Variants in DNAH17 observed in about 807,000 individuals in gnomAD.
DNAH17 encodes axonemal beta dynein heavy chain 17.
Under a neutral mutation model 485.6 loss-of-function variants are expected in DNAH17, and 376 were observed. That is an observed-to-expected ratio of 0.77 (90% CI 0.71 to 0.84). The LOEUF (loss-of-function observed/expected upper bound fraction) is 0.84, where lower values mean the gene tolerates loss of function less well. Among genes scored for constraint, DNAH17 ranks in the 40% least tolerant of loss-of-function variants. The probability of loss-of-function intolerance (pLI) is 0.00; values close to 1 mark genes in which losing one functional copy is unlikely to be tolerated. For missense variants in DNAH17, 6,370 were observed against 5,839.3 expected (o/e 1.09, Z -2.96); for synonymous variants, 3,031 against 2,405.9 (o/e 1.26, Z -7.60).
intron 58 of DNAH17, among the ~76,000 whole-genome samples, chr17:78,460,710 G>A (rs1196951168): frequency 2.0e-5 from 3 of 152,132 alleles, no homozygotes; most frequent in East Asian, 3.8e-4. Context: ...TCCTTCTATC[G>A]GCTTGAGCTT....
chr17:78,503,169 CTTTTTTTTTTT>C (rs397856727), intron 31 of DNAH17, 158 bp from the exon 32 acceptor site: 121 of 127,608 alleles, frequency 9.5e-4, no homozygotes, highest in South Asian at 2.6e-3. Flanking sequence ...AGTGACACAC[CTTTTTTTTTTT>C]TTTTTTTTTT....
chr17:78,465,708 G>T (rs1404532194), intron 56 of DNAH17, among the ~76,000 whole-genome samples: 1 of 149,636 alleles, frequency 6.7e-6, no homozygotes, highest in East Asian at 2.0e-4. Context: ...CGCCCCGTCT[G>T]AGAAGTGAGG....
In DNAH17 at chr17:78,444,574, G is replaced by T. The variant is rs1568059282; in HGVS notation, c.11528+30C>A. ...CTTCCATCAGGCCTGGGCCTCGGGG[G>T]CGGGGCCCCCGGCGCGGCGGGACAC... On this transcript the variant is annotated intron_variant, in intron 71 of 80. Coordinates refer to ENST00000389840, the MANE Select transcript of DNAH17 (RefSeq NM_173628.4). 3 of 1,527,406 alleles carry T rather than the reference G, an allele frequency of 2.0e-6. No homozygotes were observed. In the East Asian group the frequency reaches 7.4e-5, roughly 38 times the overall value. The allele number at this position is 1,527,406 out of a possible 1,614,324, so 94.6% of individuals were successfully genotyped here. A position where few individuals can be genotyped will look rare whatever the true frequency, so the allele number is the denominator to read the frequency against.
chr17:78,547,106 G>T (rs1386313238), intron 16 of DNAH17, among the ~76,000 whole-genome samples: 1 of 152,034 alleles, frequency 6.6e-6, no homozygotes, highest in Non-Finnish European at 1.5e-5. Flanking sequence ...TTTTACAACC[G>T]TATTTATCTC....
chr17:78,482,865 C>T (rs571340528), intron 48 of DNAH17, among the ~76,000 whole-genome samples: 1 of 152,186 alleles, frequency 6.6e-6, no homozygotes, highest in South Asian at 2.1e-4. Context: ...AACTCCAGGG[C>T]AGATGTGGAC....
Position 78,525,145 on chromosome 17 carries a change from G to C in DNAH17, c.3728C>G (p.Ser1243Cys). ...CGCCTCCATGATGCCTTCCATGGCG[G>C]AGATGCTCTTTTGTTGCTAGGGGCG... ...KSLNKQQKSI[S>C]AMEGIMEALS... The change falls in exon 25 of 81, where the codon TCC becomes TGC. Residue 1243 changes from serine to cysteine, a missense_variant. By Grantham distance (112) the Ser-to-Cys change is moderately radical. Transcript: ENST00000389840. 1 of 1,613,348 alleles carries C rather than the reference G, an allele frequency of 6.2e-7. No individual in the cohort carries two copies. Among genetic ancestry groups the C allele is most frequent in the Non-Finnish European group, 8.5e-7 (1 of 1,179,708 alleles).
At chr17:78,448,794 G>A (rs150119559) in intron 69 of DNAH17, among the ~76,000 whole-genome samples, 96 of 152,224 alleles carry the variant, frequency 6.3e-4, no homozygotes, top group African/African-American at 2.3e-3. Flanking sequence ...GCTCTCTCTC[G>A]CCCTCTAGCC....
Position 78,539,769 on chromosome 17 carries a change from G to A in DNAH17, c.2644C>T (p.Leu882=), listed in dbSNP as rs2091471861. The change falls in exon 18 of 81, where the codon CTG becomes TTG. Residue 882 remains leucine (L), a synonymous_variant. Coordinates refer to ENST00000389840, the MANE Select transcript of DNAH17 (RefSeq NM_173628.4). ...ACCATGTTGTCCATTAGGAAACTCA[G>A]AGATTTGCGAATGAACTGGTCAAAT... ...DEFDQFIRKS[L]SFLMDNMVID... is the part of the protein sequence containing the mutation. The A allele has an allele frequency of 1.2e-6, 2 of 1,611,650 alleles. No individual in the cohort carries two copies. The highest frequency in any genetic ancestry group is 1.3e-5 in the African/African-American group (1 of 74,998).
chr17:78,555,080 A>G (rs2091990861), intron 14 of DNAH17, among the ~76,000 whole-genome samples: 1 of 152,186 alleles, frequency 6.6e-6, no homozygotes, highest in African/African-American at 2.4e-5. Flanking sequence ...ACTTCCACCC[A>G]TGCCTTCGAA....
At chr17:78,541,723 C>T (rs1026417456) in intron 17 of DNAH17, among the ~76,000 whole-genome samples, 9 of 152,102 alleles carry the variant, frequency 5.9e-5, no homozygotes, top group Non-Finnish European at 1.3e-4. Flanking sequence ...CCAGTCCTGC[C>T]TCCTCGCCTG....
At chr17:78,560,296 G>A (rs1488347637) in intron 13 of DNAH17, among the ~76,000 whole-genome samples, 1 of 152,166 alleles carries the variant, frequency 6.6e-6, no homozygotes, top group Non-Finnish European at 1.5e-5. Context: ...TCCCTGCCTT[G>A]CCACGTGCAG....
At chr17:78,483,849 C>T (rs1402576074) in intron 48 of DNAH17, among the ~76,000 whole-genome samples, 3 of 151,984 alleles carry the variant, frequency 2.0e-5, no homozygotes, top group Non-Finnish European at 2.9e-5. Context: ...CTAATCCCAG[C>T]ACTTTGTGAG....
At position 78,476,919 on chromosome 17, in the gene DNAH17, A is replaced by AGT. The variant is rs139164017; in HGVS notation, c.7993-188_7993-187dup. ...GGAGGTCCCAAAAATCCCGGATGCC[A>AGT]GTGTGTGTGTGTGTCCTGAGAGATG... On this transcript the variant is annotated intron_variant, in intron 51 of 80. Coordinates refer to ENST00000389840, the MANE Select transcript of DNAH17 (RefSeq NM_173628.4). Among the ~76,000 whole-genome samples, 261 of 151,968 alleles carry AGT rather than the reference A, an allele frequency of 1.7e-3. 2 individuals carry two copies. Among genetic ancestry groups the AGT allele is most frequent in the African/African-American group, 5.6e-3 (232 of 41,478 alleles).
intron 25 of DNAH17, among the ~76,000 whole-genome samples, chr17:78,519,229 C>G (rs2090873828): frequency 7.1e-6 from 1 of 141,624 alleles, no homozygotes; most frequent in Admixed American, 7.0e-5. Flanking sequence ...ATCCATGGGT[C>G]AAAGAGGAAG....
At chr17:78,436,781 G>A (rs1394652879) in intron 74 of DNAH17, among the ~76,000 whole-genome samples, 2 of 152,192 alleles carry the variant, frequency 1.3e-5, no homozygotes, top group East Asian at 1.9e-4. Flanking sequence ...GGAGGCAGAG[G>A]TTGCAGTGAG....
chr17:78,567,219 T>A, intron 9 of DNAH17, 53 bp from the exon 10 acceptor site: 1 of 1,547,618 alleles, frequency 6.5e-7, no homozygotes. Context: ...AACTCACGGG[T>A]CCAGTTACAA....
At chr17:78,529,420 G>A (rs1301299325) in intron 22 of DNAH17, 52 bp downstream of exon 22, 40 of 1,584,398 alleles carry the variant, frequency 2.5e-5, no homozygotes, top group African/African-American at 2.2e-4. Flanking sequence ...GGTCGCGGCC[G>A]GGATGGCTCT....
Position 78,458,606 on chromosome 17 carries a change from T to C in DNAH17, c.9936A>G (p.Gln3312=), listed in dbSNP as rs1245775534. 4 of 1,613,958 alleles carry C rather than the reference T, an allele frequency of 2.5e-6. No individual in the cohort carries two copies. The South Asian group carries it at 3.3e-5, about 13-fold the overall frequency. The part of the protein sequence containing the change: ...KATAEKIKCQ[Q]EADATNRVIL... ...TCACCCTGTTCGTGGCATCGGCCTC[T>C]TGCTGACACTTGATTTTCTCAGCTG... Residue 3312 remains glutamine, a synonymous_variant, in exon 62 of 81, where the codon CAA becomes CAG. Coordinates refer to ENST00000389840, the MANE Select transcript of DNAH17 (RefSeq NM_173628.4).
intron 54 of DNAH17, among the ~76,000 whole-genome samples, chr17:78,471,901 G>T (rs140791490): frequency 2.0e-5 from 3 of 152,146 alleles, no homozygotes; most frequent in African/African-American, 7.2e-5. Flanking sequence ...CCCGCTGTGC[G>T]ATGGCCGCCT....
Sources: gnomAD v4.1 joint callset for allele counts (sites outside exome capture counted in the v4.1 genomes callset) on GRCh38, gnomAD v4.1.1 for gene constraint, MANE v1.5 for transcripts, NCBI Gene and HGNC (gene_info 2026-07-23, HGNC 2026-07-21) for gene names.